LCMT1: variants seen among roughly 807,000 people sequenced by gnomAD.
LCMT1 encodes the protein leucine carboxyl methyltransferase 1.
In LCMT1, 32 loss-of-function variants were observed where a neutral mutation model predicts 47.7. That is an observed-to-expected ratio of 0.67 (90% confidence interval 0.51 to 0.90). The LOEUF is 0.90. Ranked by LOEUF, LCMT1 falls within the 40% of genes least tolerant of loss-of-function variation. The probability of loss-of-function intolerance (pLI) is 0.00; values close to 1 mark genes in which losing one functional copy is unlikely to be tolerated. For missense variants in LCMT1, 375 were observed against 415.2 expected (o/e 0.90, Z 0.84); for synonymous variants, 152 against 149.7 (o/e 1.02, Z -0.11).
intron 10 of LCMT1, among the ~76,000 whole-genome samples, chr16:25,176,210 C>T (rs1380492716): frequency 6.6e-6 from 1 of 152,154 alleles, no homozygotes; most frequent in African/African-American, 2.4e-5. Flanking sequence ...CAGCTGCCCC[C>T]TGCTGGGCTT....
At chr16:25,173,061 C>T (rs910937644) in intron 9 of LCMT1, among the ~76,000 whole-genome samples, 1 of 152,238 alleles carries the variant, frequency 6.6e-6, no homozygotes, top group African/African-American at 2.4e-5. Flanking sequence ...AACAGCCTTT[C>T]CAGCTCTGTG....
At chr16:25,159,423 C>T (rs1961354765) in intron 5 of LCMT1, among the ~76,000 whole-genome samples, 1 of 152,212 alleles carries the variant, frequency 6.6e-6, no homozygotes, top group Admixed American at 6.5e-5. Context: ...TATGCCACCA[C>T]ACCTAGCTAA....
At chr16:25,133,791 T>G (rs1960423531) in intron 3 of LCMT1, among the ~76,000 whole-genome samples, 1 of 150,698 alleles carries the variant, frequency 6.6e-6, no homozygotes, top group Admixed American at 6.6e-5. Flanking sequence ...CCCAGCACTT[T>G]GGGAGGCTGA....
chr16:25,164,584 TC>T lies in LCMT1; in HGVS notation c.570-12del, dbSNP rs1342193150. 2 of 1,613,890 alleles carry T rather than the reference TC, an allele frequency of 1.2e-6. No individual in the cohort carries two copies. The highest frequency in any genetic ancestry group is 3.3e-5 in the Admixed American group (2 of 60,014). On this transcript the variant is annotated splice_polypyrimidine_tract_variant and intron_variant, in intron 6 of 10. Transcript: ENST00000399069. ...GATAACAAATTTATGTGCCTTTTTT[TC>T]CTTATCTTTAAGATTGCCAACACTC...
chr16:25,111,787 C>T lies in LCMT1; in HGVS notation c.-97C>T. 2.4e-6 allele frequency: 2 copies of T among 818,326 alleles called. No homozygotes were observed. Among genetic ancestry groups the T allele is most frequent in the Non-Finnish European group, 4.1e-6 (2 of 485,270 alleles). The allele number at this position is 818,326 out of a possible 1,614,324, so 50.7% of individuals were successfully genotyped here. On this transcript the variant is annotated 5_prime_UTR_variant, in exon 1 of 11. Coordinates refer to ENST00000399069, the MANE Select transcript of LCMT1 (RefSeq NM_016309.3). ...GAGCCAGGTAGGGCCCTACCCTCTT[C>T]TGTTGCTTTCTCCCTGTGGCTCGCG...
intron 1 of LCMT1, among the ~76,000 whole-genome samples, chr16:25,124,292 A>G (rs111748605): frequency 1.1e-4 from 16 of 152,358 alleles, no homozygotes; most frequent in African/African-American, 3.4e-4. Context: ...GTGTACATGT[A>G]TACAGACAAA....
intron 5 of LCMT1, among the ~76,000 whole-genome samples, chr16:25,154,710 G>T (rs1455797923): frequency 6.6e-6 from 1 of 151,664 alleles, no homozygotes; most frequent in African/African-American, 2.4e-5. Context: ...GGATGGTCTC[G>T]ATCTCCTGAC....
chr16:25,118,841 G>A (rs567225920), intron 1 of LCMT1, among the ~76,000 whole-genome samples: 6 of 152,160 alleles, frequency 3.9e-5, no homozygotes, highest in Non-Finnish European at 5.9e-5. Context: ...ATCTCGGAGA[G>A]CATGGGTGCA....
At chr16:25,166,069 A>T (rs1181639364) in intron 7 of LCMT1, among the ~76,000 whole-genome samples, 1 of 151,502 alleles carries the variant, frequency 6.6e-6, no homozygotes, top group Non-Finnish European at 1.5e-5. Flanking sequence ...AGGAGTTTTG[A>T]GACCAGACTG....
At chr16:25,115,534 G>A (rs572106072) in intron 1 of LCMT1, among the ~76,000 whole-genome samples, 10 of 152,108 alleles carry the variant, frequency 6.6e-5, no homozygotes, top group Middle Eastern at 3.4e-3. Flanking sequence ...CCCTTTCTCC[G>A]GATACTTAAT....
chr16:25,123,764 T>A (rs926753620), intron 1 of LCMT1, among the ~76,000 whole-genome samples: 1 of 151,152 alleles, frequency 6.6e-6, no homozygotes. Flanking sequence ...TGAGCCACCA[T>A]ATGCGGCTAA....
intron 5 of LCMT1, among the ~76,000 whole-genome samples, chr16:25,155,104 C>T (rs1022117094): frequency 7.2e-5 from 11 of 152,004 alleles, no homozygotes; most frequent in African/African-American, 2.7e-4. Flanking sequence ...GAAAAAGTGC[C>T]GACACTTAAG....
chr16:25,126,283 C>T (rs1319974436), intron 1 of LCMT1, among the ~76,000 whole-genome samples: 2 of 152,304 alleles, frequency 1.3e-5, no homozygotes, highest in Non-Finnish European at 2.9e-5. Context: ...GCCCTCCAGA[C>T]CCTGCGTCCT....
chr16:25,124,348 C>G (rs1346930347), intron 1 of LCMT1, among the ~76,000 whole-genome samples: 1 of 152,092 alleles, frequency 6.6e-6, no homozygotes, highest in African/African-American at 2.4e-5. Context: ...AGGGAAAAAA[C>G]AAGTGTGTAT....
chr16:25,145,153 C>G (rs1960812489), intron 4 of LCMT1: 1 of 152,220 alleles, frequency 6.6e-6, no homozygotes, highest in African/African-American at 2.4e-5. Context: ...CAGTCCACAA[C>G]TAGTGTTCGG....
intron 7 of LCMT1, among the ~76,000 whole-genome samples, chr16:25,167,296 A>G (rs758762496): frequency 2.0e-5 from 3 of 151,580 alleles, no homozygotes; most frequent in South Asian, 4.2e-4. Flanking sequence ...CATGCTTTAC[A>G]TTGTTTGCTT....
At chr16:25,168,956 G>T (rs1168997024) in intron 7 of LCMT1, among the ~76,000 whole-genome samples, 156 bp from the exon 8 acceptor site, 1 of 152,228 alleles carries the variant, frequency 6.6e-6, no homozygotes, top group Non-Finnish European at 1.5e-5. Context: ...GCTCCCGCCA[G>T]CACCGTGCTG....
chr16:25,177,131 G>A (rs1177109612), intron 10 of LCMT1, among the ~76,000 whole-genome samples: 1 of 99,464 alleles, frequency 1.0e-5, no homozygotes, highest in East Asian at 2.6e-4. Flanking sequence ...AGTGAGCTGA[G>A]ATGGCACCAC....
At chr16:25,176,520 T>G (rs1262045514) in intron 10 of LCMT1, among the ~76,000 whole-genome samples, 6 of 151,530 alleles carry the variant, frequency 4.0e-5, no homozygotes, top group African/African-American at 7.3e-5. Flanking sequence ...ACATTTGTTT[T>G]GTTTGGTTTT....
Sources: allele counts gnomAD v4.1 joint callset (sites outside exome capture counted in the v4.1 genomes callset), GRCh38; gene constraint gnomAD v4.1.1; transcripts MANE v1.5; gene names NCBI Gene and HGNC (gene_info 2026-07-23, HGNC 2026-07-21).